The following C19orf47 variants were observed in gnomAD, a reference collection of about 807,000 sequenced individuals.
The protein encoded by C19orf47 is uncharacterized protein C19orf47.
C19orf47 carries 18 observed loss-of-function variants against 32.3 expected under a neutral mutation model. That is an observed-to-expected ratio of 0.56 (90% CI 0.39 to 0.83). The LOEUF (loss-of-function observed/expected upper bound fraction) is 0.83, where lower values mean the gene tolerates loss of function less well. C19orf47 is among the 40% of genes least tolerant of loss of function. The pLI is 0.00. For synonymous variants in C19orf47, 202 were observed against 211.1 expected (o/e 0.96, Z 0.37); for missense variants, 484 against 531.6 (o/e 0.91, Z 0.88).
Position 40,324,063 on chromosome 19 carries a change from C to T in C19orf47, c.606G>A (p.Thr202=), listed in dbSNP as rs750663694. Residue 202 remains threonine, a synonymous_variant, in exon 8 of 9, where the codon ACG becomes ACA. Coordinates refer to ENST00000683109, the MANE Select transcript of C19orf47 (RefSeq NM_001256441.2). ...CGGCGCCGAGGCGGTCAAACACAGA[C>T]GTCCTATGGAGACCTGGGAGGGAAG... The part of the protein sequence containing the change: ...QQQAAKGLHR[T]SVFDRLGAET... 103 of 1,614,106 alleles carry T rather than the reference C, an allele frequency of 6.4e-5. No homozygotes were observed. Among genetic ancestry groups the T allele is most frequent in the Admixed American group, 1.8e-4 (11 of 60,008 alleles).
At chr19:40,337,148 A>T (rs184148171) in intron 2 of C19orf47, among the ~76,000 whole-genome samples, 5 of 152,244 alleles carry the variant, frequency 3.3e-5, no homozygotes, top group Admixed American at 1.3e-4. Flanking sequence ...CACAAGATGA[A>T]GTCCCAGCCC....
the C19orf47 span, among the ~76,000 whole-genome samples, chr19:40,299,290 TG>T: frequency 6.6e-6 from 1 of 152,270 alleles, no homozygotes; most frequent in South Asian, 2.1e-4. Context: ...AAATATTAAA[TG>T]CTCATTAAAT....
At chr19:40,339,564 A>C (rs1306889157) in intron 2 of C19orf47, among the ~76,000 whole-genome samples, 1 of 152,236 alleles carries the variant, frequency 6.6e-6, no homozygotes, top group Non-Finnish European at 1.5e-5. Flanking sequence ...CTTAGACATT[A>C]TGTTGAGCAA....
intron 5 of C19orf47, among the ~76,000 whole-genome samples, chr19:40,333,042 G>C (rs961510722): frequency 1.3e-5 from 2 of 152,092 alleles, no homozygotes; most frequent in Admixed American, 6.6e-5. Context: ...CAGATCACTT[G>C]AAGTCAGGAG....
downstream of C19orf47, among the ~76,000 whole-genome samples, chr19:40,315,624 T>C (rs1043964997): frequency 4.0e-5 from 6 of 151,260 alleles, no homozygotes; most frequent in East Asian, 1.2e-3. Context: ...CTACTAAAAA[T>C]AAAAAATTAG....
chr19:40,306,537 G>A, the C19orf47 span, among the ~76,000 whole-genome samples: 1 of 151,564 alleles, frequency 6.6e-6, no homozygotes, highest in Non-Finnish European at 1.5e-5. Context: ...TGAGTAGCTG[G>A]GACTACAGGC....
At position 40,321,458 on chromosome 19, in the gene C19orf47, G is replaced by T; in HGVS notation, c.*424C>A. 1 of 1,011,626 alleles carries T rather than the reference G, an allele frequency of 9.9e-7. No homozygotes were observed. The highest frequency in any genetic ancestry group is 1.2e-6 in the Non-Finnish European group (1 of 845,712). 62.7% of individuals were successfully genotyped at this position (1,011,626 alleles called of 1,614,324 possible). ...GCAGAGGAGTGAGGGAGGTCAGTGGGGAGTGGGGGAAGGGAGGCCCACCAG... is the reference window on the plus strand; with the variant it reads ...GCAGAGGAGTGAGGGAGGTCAGTGGTGAGTGGGGGAAGGGAGGCCCACCAG... On this transcript the variant is annotated 3_prime_UTR_variant, in exon 9 of 9. Transcript: ENST00000683109.
chr19:40,306,654 C>T, the C19orf47 span, among the ~76,000 whole-genome samples: 2 of 152,136 alleles, frequency 1.3e-5, no homozygotes, highest in African/African-American at 4.8e-5. Context: ...CTGCCAGCCT[C>T]AGCCTCCCAA....
intron 4 of C19orf47, among the ~76,000 whole-genome samples, chr19:40,335,424 A>C (rs1190004902): frequency 3.3e-5 from 5 of 152,154 alleles, no homozygotes; most frequent in Admixed American, 1.3e-4. Flanking sequence ...GGCAGTTTCC[A>C]CTGTGCTAGT....
At chr19:40,298,318 A>G in the C19orf47 span, among the ~76,000 whole-genome samples, 1 of 151,700 alleles carries the variant, frequency 6.6e-6, no homozygotes, top group South Asian at 2.1e-4. Context: ...AAAAAAAAAA[A>G]AGAAAAAATA....
At chr19:40,327,265 C>T (rs1224287205) in intron 6 of C19orf47, among the ~76,000 whole-genome samples, 1 of 151,696 alleles carries the variant, frequency 6.6e-6, no homozygotes, top group East Asian at 1.9e-4. Context: ...CCGCCCACCT[C>T]GGCCTCCCAA....
At chr19:40,332,367 A>T (rs2077971685) in intron 5 of C19orf47, among the ~76,000 whole-genome samples, 1 of 151,712 alleles carries the variant, frequency 6.6e-6, no homozygotes, top group Admixed American at 6.6e-5. Flanking sequence ...GAAAAAAAAA[A>T]AGGTCAGGTG....
chr19:40,306,838 G>C, the C19orf47 span, among the ~76,000 whole-genome samples: 1 of 149,100 alleles, frequency 6.7e-6, no homozygotes, highest in African/African-American at 2.5e-5. Flanking sequence ...GCCCAGGCTG[G>C]AGTGCAGTGG....
chr19:40,323,894 A>G (rs1220298713), intron 8 of C19orf47, 112 bp downstream of exon 8: 2 of 1,298,536 alleles, frequency 1.5e-6, no homozygotes, highest in Non-Finnish European at 2.2e-6. Context: ...CTGGAAAGGC[A>G]GGTTAGACGG....
At chr19:40,322,406 TC>T (rs759695778) in intron 8 of C19orf47, 30 bp from the exon 9 acceptor site, 1 of 1,530,886 alleles carries the variant, frequency 6.5e-7, no homozygotes, top group Non-Finnish European at 8.8e-7. Context: ...GATGAATGAG[TC>T]ACTGAGTCAC....
chr19:40,311,732 T>TG, the C19orf47 span, among the ~76,000 whole-genome samples: 1 of 151,968 alleles, frequency 6.6e-6, no homozygotes, highest in South Asian at 2.1e-4. Flanking sequence ...CTCGGCTCAC[T>TG]GCAATGTCTG....
Position 40,320,601 on chromosome 19 carries a change from C to T in C19orf47, c.*1281G>A, listed in dbSNP as rs1235688312. On this transcript the variant is annotated 3_prime_UTR_variant, in exon 9 of 9. Transcript: ENST00000683109. Reference sequence around the variant, plus strand: ...ACAACCACTGAAGCGGCCCTGGCCACTTTCTCCCACTCCTCAGATTCCTTG... The same window carrying T: ...ACAACCACTGAAGCGGCCCTGGCCATTTTCTCCCACTCCTCAGATTCCTTG... 1 of 154,610 alleles carries T rather than the reference C, an allele frequency of 6.5e-6. No individual in the cohort carries two copies. 9.6% of individuals were successfully genotyped at this position (154,610 alleles called of 1,614,324 possible).
intron 6 of C19orf47, among the ~76,000 whole-genome samples, chr19:40,327,445 T>C (rs557270838): frequency 5.9e-5 from 9 of 152,124 alleles, no homozygotes; most frequent in East Asian, 3.9e-4. Context: ...TGAGCCACCA[T>C]GCCCAGCCTG....
At chr19:40,345,581 C>T (rs1014027752) in intron 1 of C19orf47, among the ~76,000 whole-genome samples, 3 of 149,402 alleles carry the variant, frequency 2.0e-5, no homozygotes, top group Non-Finnish European at 4.4e-5. Context: ...GTGGCTCACG[C>T]CTGTAATCAC....
Sources: gnomAD v4.1 joint callset for allele counts (sites outside exome capture counted in the v4.1 genomes callset) on GRCh38, gnomAD v4.1.1 for gene constraint, MANE v1.5 for transcripts, NCBI Gene and HGNC (gene_info 2026-07-23, HGNC 2026-07-21) for gene names.